ADCK5: variants seen among roughly 807,000 people sequenced by gnomAD.
ADCK5 encodes the protein aarF domain containing kinase 5, also known as uncharacterized aarF domain-containing protein kinase 5.
Under a neutral mutation model 64.9 loss-of-function variants are expected in ADCK5, and 43 were observed. The ratio of observed to expected loss-of-function variants is 0.66; its 90% CI spans 0.52 to 0.85. The LOEUF (loss-of-function observed/expected upper bound fraction) is 0.85, where lower values mean the gene tolerates loss of function less well. Ranked by LOEUF, ADCK5 falls within the 40% of genes least tolerant of loss-of-function variation. The probability of loss-of-function intolerance (pLI) is 0.00; values close to 1 mark genes in which losing one functional copy is unlikely to be tolerated. For synonymous variants in ADCK5, 434 were observed against 342.8 expected (o/e 1.27, Z -2.94); for missense variants, 760 against 810.5 (o/e 0.94, Z 0.76).
At chr8:144,386,005 C>T (rs868942294) in intron 3 of ADCK5, among the ~76,000 whole-genome samples, 8 of 151,910 alleles carry the variant, frequency 5.3e-5, no homozygotes, top group African/African-American at 1.5e-4. Flanking sequence ...TTTCCCCCAC[C>T]GCCCCTTTTT....
intron 12 of ADCK5, 30 bp from the exon 13 acceptor site, chr8:144,392,415 C>CCCG: frequency 7.6e-7 from 1 of 1,320,102 alleles, no homozygotes; most frequent in Non-Finnish European, 9.8e-7. Context: ...ACTCAGAGCC[C>CCCG]CCTCCCTCCC....
At chr8:144,381,788 C>A (rs28385533) in intron 2 of ADCK5, among the ~76,000 whole-genome samples, 3 of 82,852 alleles carry the variant, frequency 3.6e-5, no homozygotes, top group East Asian at 4.0e-4. Flanking sequence ...CTGCTGCACT[C>A]AGGATTATGG....
At chr8:144,391,888 C>T (rs541157890) in intron 9 of ADCK5, 22 bp downstream of exon 9, 2 of 200,778 alleles carry the variant, frequency 1.0e-5, no homozygotes, top group Admixed American at 5.1e-5. Flanking sequence ...GGGGCGGGGG[C>T]GGGTCAGGGC....
rs782385855 is a variant in ADCK5, at chr8:144,383,175, G to T, written c.211G>T (p.Ala71Ser). 6.2e-7 allele frequency: 1 copy of T among 1,601,254 alleles called. No individual in the cohort carries two copies. Among genetic ancestry groups the T allele is most frequent in the Non-Finnish European group, 8.5e-7 (1 of 1,173,964 alleles). The change falls in exon 3 of 15, where the codon GCA (alanine) becomes TCA (serine). Residue 71 changes from alanine to serine, a missense_variant. Transcript: ENST00000308860. ...LLGARYVMAE[A>S]REKRRMRLVV... is the part of the protein sequence containing the mutation. The stretch of plus-strand genomic sequence containing the variant: ...CGGAGCCCGCTATGTCATGGCAGAG[G>T]CACGGGAGAAGAGGAGGATGCGGCT...
chr8:144,386,649 C>T (rs112893004), intron 3 of ADCK5, among the ~76,000 whole-genome samples: 1 of 152,200 alleles, frequency 6.6e-6, no homozygotes, highest in Non-Finnish European at 1.5e-5. Flanking sequence ...TGAGCCACCA[C>T]GCAGGCCATG....
At chr8:144,392,220 G>A (rs1564677802) in intron 11 of ADCK5, 34 bp from the exon 12 acceptor site, 2 of 1,546,388 alleles carry the variant, frequency 1.3e-6, no homozygotes, top group East Asian at 4.8e-5. Context: ...TCCTGCCGCA[G>A]GGAGCTCATG....
At chr8:144,382,327 T>G (rs1284594238) in intron 2 of ADCK5, among the ~76,000 whole-genome samples, 5 of 152,264 alleles carry the variant, frequency 3.3e-5, no homozygotes. Context: ...CCTCCCGCAC[T>G]CAGCGTTATG....
In ADCK5 at chr8:144,391,461, G is replaced by A. The variant is rs782748903; in HGVS notation, c.785G>A (p.Ser262Asn). ...GTCATGCACCCCAGCTTTGGCTTCAGCTGGGTCCTCCAGGTACAGCCCCAC... is the reference window on the plus strand; with the variant it reads ...GTCATGCACCCCAGCTTTGGCTTCAACTGGGTCCTCCAGGTACAGCCCCAC... ...VEVMHPSFGFSWVLQDLKGTL... is the reference protein window; with the variant it reads ...VEVMHPSFGFNWVLQDLKGTL... Residue 262 changes from serine to asparagine, a missense_variant, in exon 7 of 15, where the codon AGC (serine) becomes AAC (asparagine). Transcript: ENST00000308860. The A allele has an allele frequency of 1.9e-6, 3 of 1,611,274 alleles. No individual in the cohort carries two copies. The highest frequency in any genetic ancestry group is 2.5e-6 in the Non-Finnish European group (3 of 1,179,576).
intron 1 of ADCK5, 51 bp from the exon 2 acceptor site, chr8:144,379,336 A>G: frequency 7.1e-7 from 1 of 1,400,764 alleles, no homozygotes; most frequent in Non-Finnish European, 9.8e-7. Context: ...GGTTGAGGGC[A>G]GGGGCGTGTC....
Position 144,392,004 on chromosome 8 carries a change from G to T in ADCK5, c.1078G>T (p.Asp360Tyr). 6.2e-7 allele frequency: 1 copy of T among 1,612,688 alleles called. No homozygotes were observed. The highest frequency in any genetic ancestry group is 8.5e-7 in the Non-Finnish European group (1 of 1,179,968). ...ATTTTACACCGGCTTCATCCACTCGGACCCACATCCTGGCAACGGTAGGAA... is the reference window on the plus strand; with the variant it reads ...ATTTTACACCGGCTTCATCCACTCGTACCCACATCCTGGCAACGGTAGGAA... ...QIFYTGFIHS[D>Y]PHPGNVLVRK... Residue 360 changes from aspartate (D) to tyrosine (Y), a missense_variant, in exon 10 of 15, where the codon GAC (aspartate) becomes TAC (tyrosine). Physicochemically the swap from Asp to Tyr is radical, Grantham distance 160. This residue lies in a region of ADCK5 where 427 missense variants were observed against 518.4 expected (regional missense o/e 0.82). Transcript: ENST00000308860.
At chr8:144,392,732 G>A (rs1161595144) in intron 13 of ADCK5, 35 bp downstream of exon 13, 3 of 1,588,662 alleles carry the variant, frequency 1.9e-6, no homozygotes, top group South Asian at 1.1e-5. Context: ...GGCCGTGGTG[G>A]GGCTGGTGTG....
At chr8:144,389,189 G>A in intron 3 of ADCK5, 2 of 446,552 alleles carry the variant, frequency 4.5e-6, no homozygotes, top group Non-Finnish European at 9.1e-6. Flanking sequence ...TCTCCCCCAG[G>A]AGCCCAGTAC....
intron 1 of ADCK5, chr8:144,375,619 T>G: frequency 1.0e-6 from 1 of 985,488 alleles, no homozygotes; most frequent in Non-Finnish European, 1.2e-6. Context: ...CCTTTGGTTG[T>G]GAACTTCATG....
intron 3 of ADCK5, among the ~76,000 whole-genome samples, chr8:144,385,301 C>T (rs1464820641): frequency 1.3e-5 from 2 of 151,198 alleles, no homozygotes; most frequent in Non-Finnish European, 2.9e-5. Flanking sequence ...TCTCCTGTCT[C>T]GCCTCCCAAG....
intron 3 of ADCK5, among the ~76,000 whole-genome samples, chr8:144,389,516 A>G (rs1185919614): frequency 6.6e-6 from 1 of 152,212 alleles, no homozygotes; most frequent in Admixed American, 6.5e-5. Context: ...TGGCATGGAC[A>G]CAGGCTGCCC....
Position 144,384,916 on chromosome 8 carries a change from A to G in ADCK5, c.266+1686A>G, listed in dbSNP as rs1819843262. ...CTTGGCTCTAAGCCGTCACGGTTGC[A>G]TAGACAAGCAGGCCTGTGGAGCTTC... is the stretch of plus-strand genomic sequence containing the variant. On this transcript the variant is annotated intron_variant, in intron 3 of 14. Transcript: ENST00000308860. The surrounding 1 kb of genome is among the most constrained non-coding windows in gnomAD (Gnocchi z 5.7). Among the ~76,000 whole-genome samples, 1 of 152,194 alleles carries G rather than the reference A, an allele frequency of 6.6e-6. No homozygotes were observed. The highest frequency in any genetic ancestry group is 1.5e-5 in the Non-Finnish European group (1 of 68,032).
rs1451517386 is a variant in ADCK5 at position 144,376,967 on chromosome 8, C to G, written c.13-2420C>G. Among the ~76,000 whole-genome samples, 2 of 151,444 alleles carry G rather than the reference C, an allele frequency of 1.3e-5. No homozygotes were observed. Among genetic ancestry groups the G allele is most frequent in the Non-Finnish European group, 2.9e-5 (2 of 68,046 alleles). ...AGGGATAAGAGGTCATGGACTTTTCCCTTTGGCTTTCATGTTGTTTGGAGT... is the reference window on the plus strand; with the variant it reads ...AGGGATAAGAGGTCATGGACTTTTCGCTTTGGCTTTCATGTTGTTTGGAGT... On this transcript the variant is annotated intron_variant, in intron 1 of 14. Transcript: ENST00000308860. The surrounding 1 kb of genome is among the most constrained non-coding windows in gnomAD (Gnocchi z 5.1).
At chr8:144,381,624 G>C (rs1411190497) in intron 2 of ADCK5, among the ~76,000 whole-genome samples, 32 of 105,144 alleles carry the variant, frequency 3.0e-4, no homozygotes, top group Admixed American at 7.8e-4. Context: ...ACCTCCCGCA[G>C]TCAGGATTAT....
Position 144,378,470 on chromosome 8 carries a change from G to GC in ADCK5, c.13-909dup, listed in dbSNP as rs201258693. 3.4e-3 allele frequency among the ~76,000 whole-genome samples: 516 copies of GC among 151,006 alleles called. 1 individual carries two copies. Among genetic ancestry groups the GC allele is most frequent in the African/African-American group, 0.011 (466 of 40,920 alleles). On this transcript the variant is annotated intron_variant, in intron 1 of 14. Coordinates refer to ENST00000308860, the MANE Select transcript of ADCK5 (RefSeq NM_174922.5). Reference sequence around the variant, plus strand: ...TCTCGCTTGCTCTCTCTCTCTCTCCGCCCCCCCCACTGCTTCACCCATACT... The same window carrying GC: ...TCTCGCTTGCTCTCTCTCTCTCTCCGCCCCCCCCCACTGCTTCACCCATACT...
Sources: gnomAD v4.1 joint callset for allele counts (sites outside exome capture counted in the v4.1 genomes callset) on GRCh38, gnomAD v4.1.1 for gene constraint, gnomAD v4.1.1 regional missense constraint, Gnocchi (gnomAD v3.1) non-coding constraint, MANE v1.5 for transcripts, NCBI Gene and HGNC (gene_info 2026-07-23, HGNC 2026-07-21) for gene names.